Variants in CEP43 observed in about 807,000 individuals in gnomAD.
The protein encoded by CEP43 is FGFR1 oncogene partner.
In CEP43, 36 loss-of-function variants were observed where a neutral mutation model predicts 52.6. The observed-to-expected ratio is 0.68, with a 90% CI of 0.52 to 0.90. The LOEUF is 0.90. Among genes scored for constraint, CEP43 ranks in the 40% least tolerant of loss-of-function variants. CEP43 has a pLI of 0.00. For synonymous variants in CEP43, 192 were observed against 172.4 expected (o/e 1.11, Z -0.89); for missense variants, 506 against 472.8 (o/e 1.07, Z -0.65).
intron 12 of CEP43, chr6:167,036,967 G>T (rs1780597113): frequency 6.3e-6 from 1 of 158,870 alleles, no homozygotes; most frequent in African/African-American, 2.4e-5. Context: ...ACCATGCCCG[G>T]CTAGTTTTTG....
intron 12 of CEP43, among the ~76,000 whole-genome samples, chr6:167,035,723 C>G (rs572908873): frequency 8.5e-5 from 13 of 152,190 alleles, no homozygotes; most frequent in African/African-American, 2.9e-4. Flanking sequence ...CCTGCCACCA[C>G]GCCCAGCTGA....
At position 167,024,849 on chromosome 6, in the gene CEP43, G is replaced by A; in HGVS notation, c.874G>A (p.Gly292Arg). 6.2e-7 allele frequency: 1 copy of A among 1,612,344 alleles called. No individual in the cohort carries two copies. Residue 292 changes from glycine (G) to arginine (R), a missense_variant, in exon 9 of 13, where the codon GGA (glycine) becomes AGA (arginine). Coordinates refer to ENST00000366847, the MANE Select transcript of CEP43 (RefSeq NM_007045.4). Reference protein sequence around the residue: ...SLSDAPPLKSGLSSLAGAPSL... With the variant: ...SLSDAPPLKSRLSSLAGAPSL... Reference sequence around the variant, plus strand: ...CTCGGATGCACCCCCCTTAAAAAGTGGACTCAGCTCCCTGGCGGGAGCCCC... The same window carrying A: ...CTCGGATGCACCCCCCTTAAAAAGTAGACTCAGCTCCCTGGCGGGAGCCCC...
rs1428478793 is a variant in CEP43 at position 167,044,403 on chromosome 6, A to G, written c.*4425A>G. ...CAATTTCAAAGAAATCTTTATGTTTAGCAAGAAGACCAAGATGACAAGATG... is the reference window on the plus strand; with the variant it reads ...CAATTTCAAAGAAATCTTTATGTTTGGCAAGAAGACCAAGATGACAAGATG... On this transcript the variant is annotated 3_prime_UTR_variant, in exon 13 of 13. Transcript: ENST00000366847. 1 of 985,328 alleles carries G rather than the reference A, an allele frequency of 1.0e-6. No individual in the cohort carries two copies. The highest frequency in any genetic ancestry group is 1.7e-5 in the African/African-American group (1 of 57,252). 61.0% of individuals were successfully genotyped at this position (985,328 alleles called of 1,614,324 possible). A position where few individuals can be genotyped will look rare whatever the true frequency, so the allele number is the denominator to read the frequency against.
At chr6:167,003,526 C>G in intron 3 of CEP43, 197 bp from the exon 4 acceptor site, 1 of 559,776 alleles carries the variant, frequency 1.8e-6, no homozygotes, top group Non-Finnish European at 3.1e-6. Flanking sequence ...CAGTTAGTTA[C>G]AGACTGATGA....
intron 12 of CEP43, chr6:167,036,285 C>T (rs115365988): frequency 1.0e-6 from 1 of 985,370 alleles, no homozygotes; most frequent in African/African-American, 1.7e-5. Context: ...GAAGGGAGAT[C>T]CCGGGACATG....
At chr6:167,005,245 C>T (rs1327665732) in intron 5 of CEP43, among the ~76,000 whole-genome samples, 1 of 152,052 alleles carries the variant, frequency 6.6e-6, no homozygotes. Flanking sequence ...ATGTGTAAGG[C>T]ATGGTAAATA....
rs1239346186 is a variant in CEP43, at chr6:167,041,284, G to A, written c.*1306G>A. The A allele has an allele frequency of 4.8e-6, 5 of 1,050,704 alleles. No individual in the cohort carries two copies. The highest frequency in any genetic ancestry group is 4.2e-4 in the Middle Eastern group (1 of 2,368). The allele number at this position is 1,050,704 out of a possible 1,614,324, so 65.1% of individuals were successfully genotyped here. A position where few individuals can be genotyped will look rare whatever the true frequency, so the allele number is the denominator to read the frequency against. ...TCTAAAATGTAGAGGAAATGAAAAT[G>A]TAAGGATTAAGGCTGTGTAACAGAA... On this transcript the variant is annotated 3_prime_UTR_variant, in exon 13 of 13. Coordinates refer to ENST00000366847, the MANE Select transcript of CEP43 (RefSeq NM_007045.4).
chr6:167,002,104 A>G (rs1208123115), intron 2 of CEP43, among the ~76,000 whole-genome samples: 2 of 152,182 alleles, frequency 1.3e-5, no homozygotes, highest in Admixed American at 6.6e-5. Context: ...TAGTTAATTT[A>G]TGCAGCTGTG....
chr6:166,999,914 C>T (rs1019294964), intron 1 of CEP43, 146 bp from the exon 2 acceptor site: 1 of 631,724 alleles, frequency 1.6e-6, no homozygotes, highest in Non-Finnish European at 2.8e-6. Flanking sequence ...GCTTGTGTGA[C>T]TGAGAACGTT....
At chr6:167,018,880 C>T (rs1023252775) in intron 7 of CEP43, among the ~76,000 whole-genome samples, 10 of 152,266 alleles carry the variant, frequency 6.6e-5, no homozygotes, top group African/African-American at 1.7e-4. Flanking sequence ...GGTATACATA[C>T]GTATACAGAT....
intron 7 of CEP43, among the ~76,000 whole-genome samples, chr6:167,021,715 T>TAC (rs112523119): frequency 0.026 from 3,975 of 151,118 alleles, 167 homozygotes; most frequent in African/African-American, 0.089. Context: ...CATAGAGAAA[T>TAC]ACACACACAC....
intron 8 of CEP43, among the ~76,000 whole-genome samples, chr6:167,023,879 C>T (rs544111204): frequency 6.6e-6 from 1 of 151,804 alleles, no homozygotes; most frequent in African/African-American, 2.4e-5. Flanking sequence ...GCATTCAAGA[C>T]AGACAGGAAA....
chr6:167,010,846 C>T lies in CEP43; in HGVS notation c.472C>T (p.Pro158Ser). Residue 158 changes from proline to serine, a missense_variant, in exon 6 of 13, where the codon CCA (proline) becomes TCA (serine). Coordinates refer to ENST00000366847, the MANE Select transcript of CEP43 (RefSeq NM_007045.4). ...ALDLSDVHSP[P>S]KSPEGKTSAQ... ...TGATCTATCTGATGTACATTCTCCA[C>T]CAAAGTCACCAGAGGGAAAAACAAG... 1 of 1,596,480 alleles carries T rather than the reference C, an allele frequency of 6.3e-7. No individual in the cohort carries two copies. The highest frequency in any genetic ancestry group is 2.3e-5 in the East Asian group (1 of 43,820).
Position 167,052,116 on chromosome 6 carries a change from C to T in CEP43, c.*12138C>T, listed in dbSNP as rs1166153633. On this transcript the variant is annotated 3_prime_UTR_variant, in exon 13 of 13. Transcript: ENST00000366847. ...TTTCCTTAATGAATGCTTGATGGCT[C>T]ACAATCTCCTTCTCAGTTTATCAGA... 2 of 152,074 alleles carry T rather than the reference C, an allele frequency of 1.3e-5. No individual in the cohort carries two copies. Among genetic ancestry groups the T allele is most frequent in the Non-Finnish European group, 2.9e-5 (2 of 68,030 alleles). 9.4% of individuals were successfully genotyped at this position (152,074 alleles called of 1,614,324 possible).
At chr6:167,016,857 A>G (rs1474012161) in intron 7 of CEP43, among the ~76,000 whole-genome samples, 2 of 152,160 alleles carry the variant, frequency 1.3e-5, no homozygotes, top group Non-Finnish European at 2.9e-5. Context: ...ATGGGTGAAG[A>G]GAATTTTAAA....
At chr6:167,011,346 AT>A (rs1481932967) in intron 6 of CEP43, among the ~76,000 whole-genome samples, 7 of 152,136 alleles carry the variant, frequency 4.6e-5, no homozygotes, top group African/African-American at 1.7e-4. Flanking sequence ...GGCTGTTTTG[AT>A]ACAATTTCTA....
chr6:167,039,887 T>C lies in CEP43; in HGVS notation c.1126-17T>C, dbSNP rs1275290980. ...CATTCTGACACTTAATTATTTTCTT[T>C]CTTTTGAACAACAAAGCTTGATGAC... is the stretch of plus-strand genomic sequence containing the variant. On this transcript the variant is annotated splice_polypyrimidine_tract_variant and intron_variant, in intron 12 of 12. Transcript: ENST00000366847. The C allele has an allele frequency of 8.7e-6, 14 of 1,611,856 alleles. No homozygotes were observed. The highest frequency in any genetic ancestry group is 1.7e-5 in the Admixed American group (1 of 59,672).
Position 167,046,194 on chromosome 6 carries a change from T to G in CEP43, c.*6216T>G, listed in dbSNP as rs1780793763. On this transcript the variant is annotated 3_prime_UTR_variant, in exon 13 of 13. Transcript: ENST00000366847. ...TGGCAGATCATATCTGAGCGTGAAT[T>G]ACATTCTCCAATATTTTTATTTGTC... 1 of 130,694 alleles carries G rather than the reference T, an allele frequency of 7.7e-6. No individual in the cohort carries two copies. Among genetic ancestry groups the G allele is most frequent in the Non-Finnish European group, 1.7e-5 (1 of 57,560 alleles). The allele number at this position is 130,694 out of a possible 1,614,324, so 8.1% of individuals were successfully genotyped here. A position where few individuals can be genotyped will look rare whatever the true frequency, so the allele number is the denominator to read the frequency against.
At chr6:167,028,135 C>G (rs1040959700) in intron 10 of CEP43, 105 of 985,646 alleles carry the variant, frequency 1.1e-4, no homozygotes, top group Non-Finnish European at 1.2e-4. Context: ...TGATGGCCGC[C>G]TTGTCCCCTT....
Sources: allele counts gnomAD v4.1 joint callset (sites outside exome capture counted in the v4.1 genomes callset), GRCh38; gene constraint gnomAD v4.1.1; transcripts MANE v1.5; gene names NCBI Gene and HGNC (gene_info 2026-07-23, HGNC 2026-07-21).